The following KCNH7 variants were observed in gnomAD, a reference collection of about 807,000 sequenced individuals.
KCNH7 encodes the protein potassium voltage-gated channel subfamily H member 7, also known as voltage-gated inwardly rectifying potassium channel KCNH7.
A neutral mutation model predicts 120.8 loss-of-function variants in KCNH7; 49 were observed. The ratio of observed to expected loss-of-function variants is 0.41; its 90% CI spans 0.32 to 0.51. KCNH7 has a LOEUF of 0.51. Among genes scored for constraint, KCNH7 ranks in the 20% least tolerant of loss-of-function variants. The pLI is 0.38. For synonymous variants in KCNH7, 547 were observed against 516.1 expected, an observed-to-expected ratio of 1.06 and a Z score of -0.81; for missense variants, 1,097 against 1,446.6, an observed-to-expected ratio of 0.76 and a Z score of 3.92.
intron 2 of KCNH7, among the ~76,000 whole-genome samples, chr2:162,819,036 A>G (rs1685011127): frequency 6.6e-6 from 1 of 152,208 alleles, no homozygotes; most frequent in African/African-American, 2.4e-5. Context: ...GTACCCTTAA[A>G]GAATATCAAT....
At chr2:162,688,647 T>TA (rs1225803091) in intron 2 of KCNH7, among the ~76,000 whole-genome samples, 2 of 152,074 alleles carry the variant, frequency 1.3e-5, no homozygotes, top group Non-Finnish European at 2.9e-5. Flanking sequence ...CAGGTATGCA[T>TA]AAAAATCACT....
chr2:162,753,031 A>AAGAAC (rs1559116574), intron 2 of KCNH7, among the ~76,000 whole-genome samples: 1 of 127,766 alleles, frequency 7.8e-6, no homozygotes. Flanking sequence ...AAGAAAAGAA[A>AAGAAC]CCCTGACTAA....
chr2:162,571,321 G>A (rs1045422426), intron 2 of KCNH7, among the ~76,000 whole-genome samples: 30 of 152,028 alleles, frequency 2.0e-4, no homozygotes, highest in African/African-American at 4.4e-4. Flanking sequence ...TTAAATACCT[G>A]GGAATCCAAC....
At position 162,792,967 on chromosome 2, in the gene KCNH7, T is replaced by C. The variant is rs139432396; in HGVS notation, c.307+43570A>G. Among the ~76,000 whole-genome samples the C allele has an allele frequency of 2.3e-3, 352 of 152,118 alleles. 2 individuals are homozygous for C. The highest frequency in any genetic ancestry group is 8.1e-3 in the African/African-American group (335 of 41,528). On this transcript the variant is annotated intron_variant, in intron 2 of 15. Transcript: ENST00000332142. ...TGATATGGGAATTTAATCTTATAAATTTCCCTCTTAATACTGCCTTAGCTG... is the reference window on the plus strand; with the variant it reads ...TGATATGGGAATTTAATCTTATAAACTTCCCTCTTAATACTGCCTTAGCTG...
intron 5 of KCNH7, among the ~76,000 whole-genome samples, chr2:162,506,196 T>G (rs1261180801): frequency 1.3e-5 from 2 of 152,018 alleles, no homozygotes; most frequent in Non-Finnish European, 2.9e-5. Context: ...TGTTCTCATT[T>G]GCATATAGAA....
At position 162,526,835 on chromosome 2, in the gene KCNH7, G is replaced by A. The variant is rs186932442; in HGVS notation, c.464-8677C>T. Among the ~76,000 whole-genome samples, 793 of 152,138 alleles carry A rather than the reference G, an allele frequency of 5.2e-3. 11 individuals are homozygous for A. The highest frequency in any genetic ancestry group is 0.018 in the African/African-American group (749 of 41,548). Reference sequence around the variant, plus strand: ...AAGATGATGGGATTAAGAGATTAAAGTAAAGACAGGCATAGGAAATCACAA... The same window carrying A: ...AAGATGATGGGATTAAGAGATTAAAATAAAGACAGGCATAGGAAATCACAA... On this transcript the variant is annotated intron_variant, in intron 3 of 15. Coordinates refer to ENST00000332142, the MANE Select transcript of KCNH7 (RefSeq NM_033272.4).
At position 162,371,681 on chromosome 2, in the gene KCNH7, C is replaced by T; in HGVS notation, c.*148G>A. 1 of 889,128 alleles carries T rather than the reference C, an allele frequency of 1.1e-6. No homozygotes were observed. The allele number at this position is 889,128 out of a possible 1,614,324, so 55.1% of individuals were successfully genotyped here. A position where few individuals can be genotyped will look rare whatever the true frequency, so the allele number is the denominator to read the frequency against. On this transcript the variant is annotated 3_prime_UTR_variant, in exon 16 of 16. Transcript: ENST00000332142. ...ATCCTAACTGCTCAGTTTTACCTTA[C>T]AAGCTTCAATTTAGGAAAATATACA... is the stretch of plus-strand genomic sequence containing the variant.
At position 162,684,896 on chromosome 2, in the gene KCNH7, C is replaced by T. The variant is rs151302430; in HGVS notation, c.308-147816G>A. 2.5e-3 allele frequency among the ~76,000 whole-genome samples: 385 copies of T among 152,216 alleles called. 2 individuals are homozygous for T. Among genetic ancestry groups the T allele is most frequent in the African/African-American group, 8.8e-3 (367 of 41,548 alleles). On this transcript the variant is annotated intron_variant, in intron 2 of 15. Coordinates refer to ENST00000332142, the MANE Select transcript of KCNH7 (RefSeq NM_033272.4). The stretch of plus-strand genomic sequence containing the variant: ...TCATTCTACTATAAAGACACATGCA[C>T]ACGTATGTTAACTGCAGCACTGTTC...
In KCNH7 at chr2:162,548,299, G is replaced by C. The variant is rs1385005372; in HGVS notation, c.308-11219C>G. Among the ~76,000 whole-genome samples the C allele has an allele frequency of 2.0e-5, 3 of 152,320 alleles. No individual in the cohort carries two copies. The East Asian group carries it at 5.8e-4, about 29-fold the overall frequency. ...GCTACAGATGTTCCCTGCTCCCTAAGGCTGCCAGAGGCAGGAAACTGCAGC... is the reference window on the plus strand; with the variant it reads ...GCTACAGATGTTCCCTGCTCCCTAACGCTGCCAGAGGCAGGAAACTGCAGC... On this transcript the variant is annotated intron_variant, in intron 2 of 15. Coordinates refer to ENST00000332142, the MANE Select transcript of KCNH7 (RefSeq NM_033272.4).
chr2:162,417,990 C>T (rs564615338), intron 9 of KCNH7, among the ~76,000 whole-genome samples: 22 of 152,240 alleles, frequency 1.4e-4, no homozygotes, highest in African/African-American at 5.1e-4. Flanking sequence ...TGTTCAGGGG[C>T]TGGCTACAGT....
chr2:162,699,922 C>T (rs1686431461), intron 2 of KCNH7, among the ~76,000 whole-genome samples: 3 of 151,932 alleles, frequency 2.0e-5, no homozygotes. Flanking sequence ...TAAAGGAAAG[C>T]AAATAGCACC....
intron 4 of KCNH7, 88 bp from the exon 5 acceptor site, chr2:162,512,762 CA>C (rs2105773137): frequency 1.0e-6 from 1 of 1,002,244 alleles, no homozygotes; most frequent in South Asian, 1.6e-5. Context: ...TGTATAAAAA[CA>C]ATCAGAGAAA....
chr2:162,754,895 A>G (rs570258170), intron 2 of KCNH7, among the ~76,000 whole-genome samples: 136 of 152,268 alleles, frequency 8.9e-4, no homozygotes, highest in African/African-American at 3.2e-3. Flanking sequence ...CAAGGAATTA[A>G]TTTTGGTCTA....
intron 2 of KCNH7, among the ~76,000 whole-genome samples, chr2:162,560,871 A>C (rs1183006710): frequency 6.6e-6 from 1 of 152,210 alleles, no homozygotes; most frequent in Non-Finnish European, 1.5e-5. Flanking sequence ...ATTCTTTAAA[A>C]GGTGACTCTT....
chr2:162,543,196 G>C (rs1692370464), intron 2 of KCNH7, among the ~76,000 whole-genome samples: 1 of 152,006 alleles, frequency 6.6e-6, no homozygotes, highest in South Asian at 2.1e-4. Context: ...ACAAAAAACT[G>C]AGCTGGCAAA....
chr2:162,400,301 A>G lies in KCNH7; in HGVS notation c.2295T>C (p.His765=), dbSNP rs1248593779. The stretch of plus-strand genomic sequence containing the variant: ...GAACGAGGGTGTCTCCTGGAGGTGC[A>G]TGGGTGGTTTTGAACTTCATTGCCA... ...RALAMKFKTT[H]APPGDTLVHC... The change falls in exon 10 of 16, where the codon CAT becomes CAC. Residue 765 remains histidine (H), a synonymous_variant. Transcript: ENST00000332142. 1 of 1,612,554 alleles carries G rather than the reference A, an allele frequency of 6.2e-7. No individual in the cohort carries two copies. Among genetic ancestry groups the G allele is most frequent in the African/African-American group, 1.3e-5 (1 of 74,906 alleles).
At chr2:162,521,505 A>C (rs1691520310) in intron 3 of KCNH7, among the ~76,000 whole-genome samples, 2 of 151,918 alleles carry the variant, frequency 1.3e-5, no homozygotes, top group African/African-American at 4.8e-5. Context: ...CACCTGTTAC[A>C]GAAAATTTGA....
intron 2 of KCNH7, among the ~76,000 whole-genome samples, chr2:162,674,551 A>C (rs1204014781): frequency 6.6e-6 from 1 of 151,760 alleles, no homozygotes; most frequent in East Asian, 1.9e-4. Context: ...CACTGATTTT[A>C]AAAAAGAATA....
chr2:162,413,660 C>T (rs1011321834), intron 9 of KCNH7, among the ~76,000 whole-genome samples: 5 of 151,482 alleles, frequency 3.3e-5, no homozygotes, highest in Non-Finnish European at 7.4e-5. Flanking sequence ...AATCATATAC[C>T]AAATCGTATA....
Sources: allele counts gnomAD v4.1 joint callset (sites outside exome capture counted in the v4.1 genomes callset), GRCh38; gene constraint gnomAD v4.1.1; transcripts MANE v1.5; gene names NCBI Gene and HGNC (gene_info 2026-07-23, HGNC 2026-07-21).